Variants in DCAF1 observed in about 807,000 individuals in gnomAD.
The protein encoded by DCAF1 is DDB1 and CUL4 associated factor 1.
DCAF1 carries 15 observed loss-of-function variants against 128.0 expected under a neutral mutation model. That is an observed-to-expected ratio of 0.12 (90% CI 0.08 to 0.18). DCAF1 has a LOEUF of 0.18. DCAF1 is among the 10% of genes least tolerant of loss of function. The probability of loss-of-function intolerance (pLI) is 1.00; values close to 1 mark genes in which losing one functional copy is unlikely to be tolerated. For missense variants in DCAF1, 988 were observed against 1,649.5 expected (o/e 0.60, Z 6.95); for synonymous variants, 610 against 603.0 (o/e 1.01, Z -0.17).
intron 23 of DCAF1, among the ~76,000 whole-genome samples, chr3:51,405,571 G>A (rs957142016): frequency 7.9e-5 from 12 of 152,180 alleles, no homozygotes; most frequent in South Asian, 2.1e-4. Flanking sequence ...TCACTTTGTC[G>A]TCTCTACTTT....
At chr3:51,470,666 G>A (rs781883873) in intron 4 of DCAF1, among the ~76,000 whole-genome samples, 1 of 151,938 alleles carries the variant, frequency 6.6e-6, no homozygotes, top group African/African-American at 2.4e-5. Flanking sequence ...GTTCCTTTAG[G>A]TTAGTTATGT....
At position 51,429,476 on chromosome 3, in the gene DCAF1, A is replaced by C. The variant is rs782038410; in HGVS notation, c.1468-6T>G. The C allele has an allele frequency of 1.3e-6, 1 of 779,942 alleles. No homozygotes were observed. The highest frequency in any genetic ancestry group is 2.4e-5 in the East Asian group (1 of 41,250). 48.3% of individuals were successfully genotyped at this position (779,942 alleles called of 1,614,324 possible). A position where few individuals can be genotyped will look rare whatever the true frequency, so the allele number is the denominator to read the frequency against. ...AGAATCTCCAAAGTACTGATCTATT[A>C]AGATGCAAAATATTGGGGCAAAAGA... On this transcript the variant is annotated splice_region_variant and splice_polypyrimidine_tract_variant and intron_variant, in intron 11 of 24. Transcript: ENST00000684031.
chr3:51,504,729 C>T (rs1219533362), upstream of DCAF1, among the ~76,000 whole-genome samples: 2 of 152,156 alleles, frequency 1.3e-5, no homozygotes, highest in East Asian at 3.9e-4. Context: ...TCTGGCCTGA[C>T]CCATTTGAAG....
intron 6 of DCAF1, among the ~76,000 whole-genome samples, chr3:51,460,598 A>C (rs1198848672): frequency 6.6e-6 from 1 of 151,332 alleles, no homozygotes; most frequent in Non-Finnish European, 1.5e-5. Context: ...AGCCCACATC[A>C]CCAAGTCAAT....
intron 12 of DCAF1, among the ~76,000 whole-genome samples, chr3:51,428,497 A>G (rs1186961890): frequency 5.3e-5 from 8 of 151,872 alleles, no homozygotes; most frequent in Admixed American, 4.6e-4. Flanking sequence ...GCCAATTTTT[A>G]AAATTTTTGT....
At chr3:51,473,262 C>CA (rs782434269) in intron 3 of DCAF1, among the ~76,000 whole-genome samples, 4,345 of 120,902 alleles carry the variant, frequency 0.036, 123 homozygotes, top group African/African-American at 0.086. Flanking sequence ...AACTCTATCT[C>CA]AAAAAAAAAA....
intron 6 of DCAF1, among the ~76,000 whole-genome samples, chr3:51,457,325 G>A (rs929861259): frequency 2.0e-5 from 3 of 152,134 alleles, no homozygotes; most frequent in Non-Finnish European, 2.9e-5. Flanking sequence ...GATGGAAGAC[G>A]AAATTAATGA....
intron 23 of DCAF1, among the ~76,000 whole-genome samples, chr3:51,412,105 A>G (rs1325996181): frequency 7.7e-6 from 1 of 130,170 alleles, no homozygotes; most frequent in Non-Finnish European, 1.6e-5. Context: ...GCAAAACTCC[A>G]TTCTAAAAAA....
rs192732065 is a variant in DCAF1, at chr3:51,437,962, G to C, written c.1128+3008C>G. On this transcript the variant is annotated intron_variant, in intron 9 of 24. Coordinates refer to ENST00000684031, the MANE Select transcript of DCAF1 (RefSeq NM_001387579.1). ...GAAACCCAAACAAAAGTAATATTCA[G>C]TCTCACTTATAACAAAGTAACTTAT... is the stretch of plus-strand genomic sequence containing the variant. 299 of 231,350 alleles carry C rather than the reference G, an allele frequency of 1.3e-3. 1 individual carries two copies. Among genetic ancestry groups the C allele is most frequent in the Non-Finnish European group, 2.4e-3 (271 of 113,200 alleles). 14.3% of individuals were successfully genotyped at this position (231,350 alleles called of 1,614,324 possible).
At chr3:51,451,720 C>A (rs1200456635) in intron 6 of DCAF1, among the ~76,000 whole-genome samples, 2 of 150,778 alleles carry the variant, frequency 1.3e-5, no homozygotes, top group Non-Finnish European at 2.9e-5. Context: ...TGAGATCATG[C>A]CGTTGCACTC....
chr3:51,441,186 G>T, intron 8 of DCAF1, 115 bp from the exon 9 acceptor site: 1 of 1,188,466 alleles, frequency 8.4e-7, no homozygotes, highest in Non-Finnish European at 1.2e-6. Context: ...CTCCCTCCCT[G>T]TGAAGATAAA....
intron 2 of DCAF1, among the ~76,000 whole-genome samples, chr3:51,488,540 G>A (rs557668305): frequency 7.2e-5 from 11 of 151,894 alleles, no homozygotes; most frequent in Non-Finnish European, 1.3e-4. Flanking sequence ...GGCCTGGCAC[G>A]GTGGCTCACG....
At chr3:51,442,108 G>C (rs1318733249) in intron 7 of DCAF1, among the ~76,000 whole-genome samples, 1 of 152,006 alleles carries the variant, frequency 6.6e-6, no homozygotes, top group Non-Finnish European at 1.5e-5. Flanking sequence ...ATTTTCCAGA[G>C]AATCCAAACC....
At position 51,413,403 on chromosome 3, in the gene DCAF1, G is replaced by A. The variant is rs782382591; in HGVS notation, c.3932-17C>T. The A allele has an allele frequency of 6.2e-6, 10 of 1,606,002 alleles. No homozygotes were observed. Among genetic ancestry groups the A allele is most frequent in the South Asian group, 1.1e-5 (1 of 89,756 alleles). On this transcript the variant is annotated splice_polypyrimidine_tract_variant and intron_variant, in intron 20 of 24. Coordinates refer to ENST00000684031, the MANE Select transcript of DCAF1 (RefSeq NM_001387579.1). ...GCAACATAGCTTGAGGGGGAGTGGG[G>A]GAGGAAACACTATTAGGAATCACAA...
At chr3:51,433,623 A>G (rs1446695167) in intron 9 of DCAF1, among the ~76,000 whole-genome samples, 3 of 151,386 alleles carry the variant, frequency 2.0e-5, no homozygotes, top group African/African-American at 7.3e-5. Flanking sequence ...CACCACGTCC[A>G]GCTAATTTTT....
intron 3 of DCAF1, among the ~76,000 whole-genome samples, chr3:51,477,556 G>C (rs1264922030): frequency 6.6e-6 from 1 of 151,942 alleles, no homozygotes; most frequent in African/African-American, 2.4e-5. Flanking sequence ...GAGTCCAGGA[G>C]GTTGAGGCTG....
At chr3:51,410,489 T>C (rs1698299039) in intron 23 of DCAF1, among the ~76,000 whole-genome samples, 1 of 60,986 alleles carries the variant, frequency 1.6e-5, no homozygotes, top group African/African-American at 5.7e-5. Context: ...TATCCTGTAA[T>C]GGCCAACAGT....
downstream of DCAF1, chr3:51,396,811 T>C (rs1486822906): frequency 6.0e-6 from 1 of 167,086 alleles, no homozygotes; most frequent in Non-Finnish European, 1.5e-5. Flanking sequence ...CTCCGTTGAG[T>C]TAATGACTAG....
At position 51,474,667 on chromosome 3, in the gene DCAF1, C is replaced by T. The variant is rs373498690; in HGVS notation, c.111-3662G>A. 2.6e-5 allele frequency among the ~76,000 whole-genome samples: 4 copies of T among 151,420 alleles called. 1 individual carries two copies. On this transcript the variant is annotated intron_variant, in intron 3 of 24. Coordinates refer to ENST00000684031, the MANE Select transcript of DCAF1 (RefSeq NM_001387579.1). Reference sequence around the variant, plus strand: ...TCTCACTGTCTCTCAGGCTGGACTGCAGTGGCGCAGTGGCACAATCGTACC... The same window carrying T: ...TCTCACTGTCTCTCAGGCTGGACTGTAGTGGCGCAGTGGCACAATCGTACC...
Sources: allele counts gnomAD v4.1 joint callset (sites outside exome capture counted in the v4.1 genomes callset), GRCh38; gene constraint gnomAD v4.1.1; transcripts MANE v1.5; gene names NCBI Gene and HGNC (gene_info 2026-07-23, HGNC 2026-07-21).